Variants in LRRC69 observed in about 807,000 individuals in gnomAD.
LRRC69 encodes the protein leucine-rich repeat-containing protein 69.
In LRRC69, 42 loss-of-function variants were observed where a neutral mutation model predicts 37.8. That is an observed-to-expected ratio of 1.11 (90% CI 0.87 to 1.44). The LOEUF (loss-of-function observed/expected upper bound fraction) is 1.44, where lower values mean the gene tolerates loss of function less well. LRRC69 is among the 40% of genes most tolerant of loss of function. The probability of loss-of-function intolerance (pLI) is 0.00; values close to 1 mark genes in which losing one functional copy is unlikely to be tolerated. For synonymous variants in LRRC69, 141 were observed against 143.1 expected (o/e 0.99, Z 0.11); for missense variants, 357 against 401.9 (o/e 0.89, Z 0.96).
intron 7 of LRRC69, chr8:91,206,826 T>A: frequency 7.8e-7 from 1 of 1,288,746 alleles, no homozygotes; most frequent in Non-Finnish European, 1.0e-6. Context: ...CAGTAAGAAA[T>A]CCAAGGCAAG....
chr8:91,124,763 G>A, intron 2 of LRRC69, 144 bp downstream of exon 2: 2 of 634,432 alleles, frequency 3.2e-6, no homozygotes, highest in East Asian at 3.2e-5. Context: ...AAATATAGGA[G>A]GAGACAACAC....
intron 5 of LRRC69, among the ~76,000 whole-genome samples, chr8:91,186,285 CAAT>C (rs1435156666): frequency 1.3e-5 from 2 of 152,144 alleles, no homozygotes; most frequent in Non-Finnish European, 2.9e-5. Flanking sequence ...GACTTTTCAA[CAAT>C]GATTGTCTCA....
intron 5 of LRRC69, among the ~76,000 whole-genome samples, chr8:91,156,422 T>G (rs188516080): frequency 6.6e-6 from 1 of 151,148 alleles, no homozygotes; most frequent in East Asian, 2.0e-4. Flanking sequence ...ATCAAATTAT[T>G]TGGGGTTTCC....
chr8:91,126,175 A>G (rs1813710008), intron 2 of LRRC69, among the ~76,000 whole-genome samples: 1 of 152,048 alleles, frequency 6.6e-6, no homozygotes, highest in Non-Finnish European at 1.5e-5. Flanking sequence ...GTTGCATTAC[A>G]TGACCCTATT....
intron 5 of LRRC69, among the ~76,000 whole-genome samples, chr8:91,151,340 T>G (rs1025559999): frequency 1.3e-5 from 2 of 151,958 alleles, no homozygotes; most frequent in Non-Finnish European, 2.9e-5. Flanking sequence ...CGTTTCATTA[T>G]GTACCCAGTA....
chr8:91,154,230 A>T (rs1418748635), intron 5 of LRRC69, among the ~76,000 whole-genome samples: 1 of 151,278 alleles, frequency 6.6e-6, no homozygotes, highest in African/African-American at 2.4e-5. Context: ...TAAATAACCT[A>T]CCAACCAAAG....
At chr8:91,187,137 G>A (rs140620368) in intron 5 of LRRC69, among the ~76,000 whole-genome samples, 10 of 152,306 alleles carry the variant, frequency 6.6e-5, no homozygotes, top group Non-Finnish European at 1.3e-4. Context: ...CTACAGTCAA[G>A]TCTAGATCCT....
At chr8:91,184,622 T>C (rs182582704) in intron 5 of LRRC69, among the ~76,000 whole-genome samples, 2 of 152,346 alleles carry the variant, frequency 1.3e-5, no homozygotes, top group East Asian at 3.9e-4. Flanking sequence ...GGTCTTCATG[T>C]TGCTTTGGAA....
In LRRC69 at chr8:91,206,788, A is replaced by G. The variant is rs1315447515; in HGVS notation, c.933+5996A>G. On this transcript the variant is annotated intron_variant, in intron 7 of 7. Coordinates refer to ENST00000448384, the Ensembl canonical transcript of LRRC69. ...TAAATATGTCACCTGGAATACCTCA[A>G]TTAATGTCCAAAATAACCCCATGAC... 5 of 1,289,660 alleles carry G rather than the reference A, an allele frequency of 3.9e-6. No homozygotes were observed. The African/African-American group carries it at 4.6e-5, about 12-fold the overall frequency. The allele number at this position is 1,289,660 out of a possible 1,614,324, so 79.9% of individuals were successfully genotyped here. A position where few individuals can be genotyped will look rare whatever the true frequency, so the allele number is the denominator to read the frequency against.
At chr8:91,140,289 A>G (rs922736200) in intron 5 of LRRC69, among the ~76,000 whole-genome samples, 1 of 151,954 alleles carries the variant, frequency 6.6e-6, no homozygotes, top group African/African-American at 2.4e-5. Context: ...TGTCTGAGAC[A>G]TACCAAATTA....
At chr8:91,157,052 T>C (rs1184400070) in intron 5 of LRRC69, among the ~76,000 whole-genome samples, 1 of 151,268 alleles carries the variant, frequency 6.6e-6, no homozygotes, top group East Asian at 1.9e-4. Flanking sequence ...GGTAGTTTGA[T>C]GACTCTAGGT....
chr8:91,209,127 C>T (rs569304087), intron 7 of LRRC69, among the ~76,000 whole-genome samples: 1 of 152,056 alleles, frequency 6.6e-6, no homozygotes, highest in East Asian at 1.9e-4. Flanking sequence ...CAGGTTGCAT[C>T]GATAAGAAGC....
intron 5 of LRRC69, among the ~76,000 whole-genome samples, chr8:91,179,470 C>A (rs1485675651): frequency 6.6e-6 from 1 of 152,170 alleles, no homozygotes. Flanking sequence ...CACCTCCCAC[C>A]AAGTCCCACC....
intron 7 of LRRC69, among the ~76,000 whole-genome samples, chr8:91,215,511 T>C (rs1275198872): frequency 6.6e-6 from 1 of 152,156 alleles, no homozygotes; most frequent in Non-Finnish European, 1.5e-5. Flanking sequence ...GAAAACTACT[T>C]TTTAAAAAAC....
At chr8:91,113,581 T>C (rs191984382) in intron 1 of LRRC69, among the ~76,000 whole-genome samples, 16 of 152,070 alleles carry the variant, frequency 1.1e-4, no homozygotes, top group Non-Finnish European at 2.1e-4. Context: ...TTAAAGACTT[T>C]AATGTAACAC....
intron 1 of LRRC69, 151 bp from the exon 2 acceptor site, chr8:91,124,342 G>C (rs1354452869): frequency 8.0e-6 from 4 of 498,030 alleles, no homozygotes; most frequent in African/African-American, 2.0e-5. Context: ...TGTTTGTAAA[G>C]ATAACTTTAG....
chr8:91,141,163 T>C (rs12546574), intron 5 of LRRC69, among the ~76,000 whole-genome samples: 12,273 of 152,120 alleles, frequency 0.081, 575 homozygotes, highest in East Asian at 0.12. Flanking sequence ...TAGTGGACAC[T>C]GGACAATTTA....
chr8:91,166,166 G>C (rs1388304297), intron 5 of LRRC69, among the ~76,000 whole-genome samples: 1 of 151,740 alleles, frequency 6.6e-6, no homozygotes, highest in Non-Finnish European at 1.5e-5. Context: ...AAATGATACT[G>C]TCTACCATGA....
chr8:91,156,317 G>A (rs1384374590), intron 5 of LRRC69, among the ~76,000 whole-genome samples: 2 of 151,006 alleles, frequency 1.3e-5, no homozygotes, highest in African/African-American at 4.8e-5. Flanking sequence ...TTTCCTGGAT[G>A]ATTAGTGATG....
Sources: gnomAD v4.1 joint callset for allele counts (sites outside exome capture counted in the v4.1 genomes callset) on GRCh38, gnomAD v4.1.1 for gene constraint, MANE v1.5 for transcripts, NCBI Gene and HGNC (gene_info 2026-07-23, HGNC 2026-07-21) for gene names.